Variants in CFTR observed in about 807,000 individuals in gnomAD.
The protein encoded by CFTR is cystic fibrosis transmembrane conductance regulator.
In CFTR, 181 loss-of-function variants were observed where a neutral mutation model predicts 171.6. That is an observed-to-expected ratio of 1.05 (90% CI 0.93 to 1.19). CFTR has a LOEUF of 1.19. CFTR is among the 50% of genes most tolerant of loss of function. The pLI, the probability that CFTR is intolerant of heterozygous loss-of-function variation, is 0.00. For missense variants in CFTR, 1,968 were observed against 1,734.7 expected (o/e 1.13, Z -2.39); for synonymous variants, 583 against 608.0 (o/e 0.96, Z 0.60).
intron 15 of CFTR, among the ~76,000 whole-genome samples, chr7:117,595,832 A>G (rs213973): frequency 0.54 from 82,823 of 152,014 alleles, 25,262 homozygotes; most frequent in African/African-American, 0.83. Flanking sequence ...GCTGCCCTGA[A>G]CTGTGATTGT....
chr7:117,519,047 A>T (rs1798645819), intron 3 of CFTR, among the ~76,000 whole-genome samples: 1 of 152,144 alleles, frequency 6.6e-6, no homozygotes, highest in Non-Finnish European at 1.5e-5. Flanking sequence ...TCTAGTGAAG[A>T]TGTTACCAGT....
At chr7:117,561,685 T>C (rs942370168) in intron 11 of CFTR, among the ~76,000 whole-genome samples, 1 of 152,188 alleles carries the variant, frequency 6.6e-6, no homozygotes, top group Non-Finnish European at 1.5e-5. Flanking sequence ...GAGCTGGAGA[T>C]GAAAATATGT....
intron 20 of CFTR, among the ~76,000 whole-genome samples, chr7:117,613,122 A>C (rs137882947): frequency 6.6e-6 from 1 of 152,292 alleles, no homozygotes; most frequent in Non-Finnish European, 1.5e-5. Flanking sequence ...ACTAATCCTC[A>C]TCAGTACTGT....
At chr7:117,597,801 A>C (rs1332994726) in intron 15 of CFTR, among the ~76,000 whole-genome samples, 3 of 148,116 alleles carry the variant, frequency 2.0e-5, no homozygotes, top group Non-Finnish European at 4.4e-5. Flanking sequence ...ACTGTTCTTC[A>C]CATCACCAAG....
intron 22 of CFTR, among the ~76,000 whole-genome samples, chr7:117,631,696 G>T (rs1792749778): frequency 6.6e-6 from 1 of 152,140 alleles, no homozygotes; most frequent in South Asian, 2.1e-4. Context: ...CATTCATTTT[G>T]CTATGCATCT....
At chr7:117,506,856 G>T (rs1461142069) in intron 2 of CFTR, among the ~76,000 whole-genome samples, 1 of 151,982 alleles carries the variant, frequency 6.6e-6, no homozygotes, top group African/African-American at 2.4e-5. Flanking sequence ...TTATAAAATT[G>T]GTATTTGAAA....
chr7:117,608,791 T>C (rs6965682), intron 18 of CFTR, among the ~76,000 whole-genome samples: 18,483 of 152,156 alleles, frequency 0.12, 2,387 homozygotes, highest in African/African-American at 0.32. Flanking sequence ...CTATTCATGA[T>C]ATTTCAGAAG....
chr7:117,600,353 A>T (rs1332666342), intron 15 of CFTR, among the ~76,000 whole-genome samples: 1 of 152,060 alleles, frequency 6.6e-6, no homozygotes, highest in African/African-American at 2.4e-5. Flanking sequence ...GAAGAAATGA[A>T]AATAATACAT....
At position 117,667,356 on chromosome 7, in the gene CFTR, A is replaced by G. The variant is rs1286661603; in HGVS notation, c.*248A>G. ...TACTTCAAATCCTTGAAGATTTACC[A>G]CTTGTGTTTTGCAAGCCAGATTTTC... On this transcript the variant is annotated 3_prime_UTR_variant, in exon 27 of 27. Coordinates refer to ENST00000003084, the MANE Select transcript of CFTR (RefSeq NM_000492.4). The G allele has an allele frequency of 1.5e-5, 7 of 470,018 alleles. No individual in the cohort carries two copies. The highest frequency in any genetic ancestry group is 2.4e-5 in the Non-Finnish European group (6 of 255,244). 29.1% of individuals were successfully genotyped at this position (470,018 alleles called of 1,614,324 possible). A position where few individuals can be genotyped will look rare whatever the true frequency, so the allele number is the denominator to read the frequency against.
chr7:117,658,376 G>C (rs1793214242), intron 24 of CFTR, among the ~76,000 whole-genome samples: 1 of 152,134 alleles, frequency 6.6e-6, no homozygotes. Context: ...CTATAATCAT[G>C]TTTTTTTAAT....
chr7:117,651,874 T>G (rs1793094755), intron 23 of CFTR, among the ~76,000 whole-genome samples: 1 of 152,146 alleles, frequency 6.6e-6, no homozygotes, highest in Admixed American at 6.6e-5. Context: ...CCACTAAATA[T>G]TCTCATTTCA....
At chr7:117,483,811 G>T (rs1798033129) in intron 1 of CFTR, among the ~76,000 whole-genome samples, 1 of 151,900 alleles carries the variant, frequency 6.6e-6, no homozygotes. Context: ...CTGGCCTCAA[G>T]TTATCCTCCC....
intron 1 of CFTR, among the ~76,000 whole-genome samples, chr7:117,492,553 T>C (rs1203155188): frequency 2.0e-5 from 3 of 152,030 alleles, no homozygotes; most frequent in Non-Finnish European, 4.4e-5. Flanking sequence ...ACCTGCCTTG[T>C]CCTCAAGAAG....
chr7:117,547,526 ATAAT>A (rs1584792843), intron 9 of CFTR, among the ~76,000 whole-genome samples: 2 of 151,882 alleles, frequency 1.3e-5, no homozygotes, highest in Admixed American at 6.6e-5. Context: ...TAAAATTAAA[ATAAT>A]TAAATAATTT....
At chr7:117,576,360 T>G (rs1169236829) in intron 11 of CFTR, among the ~76,000 whole-genome samples, 1 of 152,182 alleles carries the variant, frequency 6.6e-6, no homozygotes, top group Non-Finnish European at 1.5e-5. Flanking sequence ...ATAACAACTA[T>G]TTATGTAGGA....
chr7:117,556,226 A>C (rs1472468723), intron 10 of CFTR, among the ~76,000 whole-genome samples: 2 of 151,372 alleles, frequency 1.3e-5, no homozygotes, highest in African/African-American at 4.9e-5. Context: ...AACCACACTC[A>C]GCTAATTTTT....
chr7:117,488,369 G>A (rs1162046217), intron 1 of CFTR, among the ~76,000 whole-genome samples: 1 of 151,202 alleles, frequency 6.6e-6, no homozygotes, highest in Non-Finnish European at 1.5e-5. Context: ...ACTTTTTTTC[G>A]GTAACTGAAT....
chr7:117,617,123 G>T (rs553639486), intron 21 of CFTR, among the ~76,000 whole-genome samples: 1 of 152,282 alleles, frequency 6.6e-6, no homozygotes, highest in African/African-American at 2.4e-5. Flanking sequence ...TTACAATGGA[G>T]TAAACAAGGT....
At chr7:117,556,792 T>C (rs1393729839) in intron 10 of CFTR, among the ~76,000 whole-genome samples, 1 of 151,760 alleles carries the variant, frequency 6.6e-6, no homozygotes, top group African/African-American at 2.4e-5. Flanking sequence ...GTGCTGGGAT[T>C]ACAGGCGTGA....
Sources: gnomAD v4.1 joint callset for allele counts (sites outside exome capture counted in the v4.1 genomes callset) on GRCh38, gnomAD v4.1.1 for gene constraint, MANE v1.5 for transcripts, NCBI Gene and HGNC (gene_info 2026-07-23, HGNC 2026-07-21) for gene names.